Variants in NIPBL observed in about 807,000 individuals in gnomAD.
NIPBL encodes the protein nipped-B-like protein.
NIPBL carries 19 observed loss-of-function variants against 321.8 expected under a neutral mutation model. That is an observed-to-expected ratio of 0.06 (90% CI 0.04 to 0.09). NIPBL has a LOEUF of 0.09. NIPBL is among the 10% of genes least tolerant of loss of function. The probability of loss-of-function intolerance (pLI) is 1.00; values close to 1 mark genes in which losing one functional copy is unlikely to be tolerated. For synonymous variants in NIPBL, 1,106 were observed against 1,114.1 expected (o/e 0.99, Z 0.14); for missense variants, 2,210 against 3,327.0 (o/e 0.66, Z 8.26).
chr5:37,044,241 A>C, intron 34 of NIPBL, 106 bp from the exon 35 acceptor site: 2 of 995,194 alleles, frequency 2.0e-6, no homozygotes, highest in Non-Finnish European at 3.0e-6. Flanking sequence ...TTTTAACTGG[A>C]CCTTTACGTG....
At chr5:36,922,546 C>T (rs951196674) in intron 1 of NIPBL, among the ~76,000 whole-genome samples, 1 of 152,068 alleles carries the variant, frequency 6.6e-6, no homozygotes, top group Non-Finnish European at 1.5e-5. Context: ...AAATGTCCAG[C>T]ATACTGGATA....
chr5:36,983,245 G>A (rs984894003), intron 9 of NIPBL, among the ~76,000 whole-genome samples: 4 of 151,892 alleles, frequency 2.6e-5, no homozygotes, highest in African/African-American at 9.7e-5. Context: ...TTTTGCAAAT[G>A]GAGCATGTGT....
In NIPBL at chr5:37,049,133, A is replaced by G; in HGVS notation, c.6786A>G (p.Glu2262=). The change falls in exon 40 of 47, where the codon GAA becomes GAG. Residue 2262 remains glutamate, a synonymous_variant. Coordinates refer to ENST00000282516, the MANE Select transcript of NIPBL (RefSeq NM_133433.4). ...TAGGGAAGAAAGTTGCAAAACAGGA[A>G]GACTTAAAAGAAATGGGTGATGTTT... ...DRDWKKVAKQ[E]DLKEMGDVSS... 6.2e-7 allele frequency: 1 copy of G among 1,614,154 alleles called. No individual in the cohort carries two copies. The highest frequency in any genetic ancestry group is 8.5e-7 in the Non-Finnish European group (1 of 1,180,004).
chr5:36,918,957 G>A (rs1225193918), intron 1 of NIPBL, among the ~76,000 whole-genome samples: 5 of 152,104 alleles, frequency 3.3e-5, no homozygotes. Flanking sequence ...TTGCATCAAT[G>A]TCCATCAGGG....
intron 1 of NIPBL, among the ~76,000 whole-genome samples, chr5:36,930,874 T>C (rs1238849309): frequency 6.6e-6 from 1 of 152,186 alleles, no homozygotes; most frequent in Non-Finnish European, 1.5e-5. Context: ...ACCCTTGCAT[T>C]CACAGGATAA....
intron 34 of NIPBL, among the ~76,000 whole-genome samples, chr5:37,042,366 C>G (rs762439232): frequency 6.6e-6 from 1 of 151,984 alleles, no homozygotes; most frequent in Non-Finnish European, 1.5e-5. Flanking sequence ...ACCTTGGAGG[C>G]GGAGGTTGCA....
At chr5:37,006,645 A>T in intron 17 of NIPBL, 57 bp downstream of exon 17, 2 of 1,111,866 alleles carry the variant, frequency 1.8e-6, no homozygotes, top group Non-Finnish European at 2.7e-6. Flanking sequence ...GATGAGTCAA[A>T]ATAGGACTTA....
At chr5:36,961,963 A>G (rs1741673801) in intron 5 of NIPBL, among the ~76,000 whole-genome samples, 160 bp from the exon 6 acceptor site, 1 of 152,186 alleles carries the variant, frequency 6.6e-6, no homozygotes, top group Non-Finnish European at 1.5e-5. Flanking sequence ...ATTGTGAACA[A>G]TTTTTGTATG....
intron 1 of NIPBL, among the ~76,000 whole-genome samples, chr5:36,910,854 C>T (rs969939206): frequency 2.6e-5 from 4 of 152,040 alleles, no homozygotes; most frequent in Non-Finnish European, 5.9e-5. Flanking sequence ...AGATTGTAGC[C>T]AAGGTTTAAA....
At chr5:36,969,659 GCTGT>G (rs1351250995) in intron 6 of NIPBL, among the ~76,000 whole-genome samples, 1 of 152,146 alleles carries the variant, frequency 6.6e-6, no homozygotes, top group Non-Finnish European at 1.5e-5. Context: ...GATACAGGAG[GCTGT>G]CTTTTTATGA....
chr5:37,010,018 T>G, intron 20 of NIPBL, 69 bp from the exon 21 acceptor site: 2 of 1,239,056 alleles, frequency 1.6e-6, no homozygotes, highest in Middle Eastern at 2.5e-4. Context: ...CGTGAAACTT[T>G]CAGACAATAG....
intron 1 of NIPBL, among the ~76,000 whole-genome samples, chr5:36,938,389 G>A (rs1025360610): frequency 2.6e-5 from 4 of 152,194 alleles, no homozygotes; most frequent in African/African-American, 4.8e-5. Flanking sequence ...AGGGAAAGAC[G>A]AGGAAAGAGT....
At chr5:36,962,309 C>T in intron 6 of NIPBL, 35 bp downstream of exon 6, 1 of 1,611,262 alleles carries the variant, frequency 6.2e-7, no homozygotes, top group Non-Finnish European at 8.5e-7. Flanking sequence ...CTGGGAATGT[C>T]TAAGTGCTTT....
chr5:37,053,749 A>G (rs1753805753), intron 42 of NIPBL, among the ~76,000 whole-genome samples: 2 of 152,352 alleles, frequency 1.3e-5, no homozygotes, highest in South Asian at 4.1e-4. Context: ...TTTAAAGTTT[A>G]CCTTTTAATT....
At chr5:36,878,208 A>C (rs921517878) in intron 1 of NIPBL, among the ~76,000 whole-genome samples, 2 of 152,228 alleles carry the variant, frequency 1.3e-5, no homozygotes, top group Admixed American at 6.5e-5. Context: ...CCATCCTTTT[A>C]TGTCAGGGCA....
chr5:37,019,863 T>C (rs1749429585), intron 25 of NIPBL, among the ~76,000 whole-genome samples: 1 of 152,244 alleles, frequency 6.6e-6, no homozygotes, highest in East Asian at 1.9e-4. Context: ...TAAACTATTA[T>C]TTGAGAACAT....
chr5:36,986,413 T>A, intron 10 of NIPBL, 112 bp downstream of exon 10: 1 of 733,264 alleles, frequency 1.4e-6, no homozygotes, highest in Non-Finnish European at 2.0e-6. Context: ...CATGAAAATA[T>A]AACATTTATG....
chr5:37,021,725 T>C (rs953998277), intron 27 of NIPBL, among the ~76,000 whole-genome samples: 3 of 152,188 alleles, frequency 2.0e-5, no homozygotes, highest in Non-Finnish European at 4.4e-5. Context: ...TACCAAATTA[T>C]GATTTGAATG....
At chr5:37,056,014 A>C (rs2149748043) in intron 42 of NIPBL, among the ~76,000 whole-genome samples, 1 of 152,226 alleles carries the variant, frequency 6.6e-6, no homozygotes, top group South Asian at 2.1e-4. Context: ...ACATGGGAGG[A>C]GCAGTCTAAA....
Sources: allele counts gnomAD v4.1 joint callset (sites outside exome capture counted in the v4.1 genomes callset), GRCh38; gene constraint gnomAD v4.1.1; transcripts MANE v1.5; gene names NCBI Gene and HGNC (gene_info 2026-07-23, HGNC 2026-07-21).